Variants in DYSF observed in about 807,000 individuals in gnomAD.
DYSF encodes dysferlin.
DYSF carries 212 observed loss-of-function variants against 274.9 expected under a neutral mutation model. That is an observed-to-expected ratio of 0.77 (90% CI 0.69 to 0.86). The LOEUF is 0.86. DYSF is among the 40% of genes least tolerant of loss of function. DYSF has a pLI of 0.00. For missense variants in DYSF, 2,666 were observed against 2,783.2 expected (o/e 0.96, Z 0.95); for synonymous variants, 1,091 against 1,078.7 (o/e 1.01, Z -0.22).
rs143163327 is a variant in DYSF, at chr2:71,658,953, G to A, written c.4831G>A (p.Ala1611Thr). The A allele has an allele frequency of 7.9e-5, 127 of 1,614,036 alleles. No homozygotes were observed. The highest frequency in any genetic ancestry group is 1.6e-4 in the Middle Eastern group (1 of 6,062). ...MPPRQFHQLA[A>T]QGPQECLVRI... ...CCCAAGACAGTTCCACCAGCTGGCC[G>A]CCCAGGGACCCCAGGAGTGCTTGGT... The change falls in exon 44 of 56, where the codon GCC (alanine) becomes ACC (threonine). Residue 1611 changes from alanine (A) to threonine (T), a missense_variant. Physicochemically the swap from Ala to Thr is moderately conservative, Grantham distance 58. Around this residue, in one of 3 missense-constraint regions of DYSF, gnomAD observed 1,460 missense variants for 1,502.1 expected, o/e 0.97. Transcript: ENST00000410020.
rs563119678 is a variant in DYSF at position 71,647,036 on chromosome 2, G to A, written c.4626+2973G>A. On this transcript the variant is annotated intron_variant, in intron 42 of 55. Transcript: ENST00000410020. Reference sequence around the variant, plus strand: ...AAATATTTATGCATAGAATAGTAAAGCTTAGAAATACTTAAAGCAAAAATG... The same window carrying A: ...AAATATTTATGCATAGAATAGTAAAACTTAGAAATACTTAAAGCAAAAATG... Among the ~76,000 whole-genome samples the A allele has an allele frequency of 3.3e-5, 5 of 152,214 alleles. No individual in the cohort carries two copies. The South Asian group carries it at 8.3e-4, about 25-fold the overall frequency.
chr2:71,506,401 G>C (rs10181951), intron 4 of DYSF, among the ~76,000 whole-genome samples: 114,439 of 152,096 alleles, frequency 0.75, 44,017 homozygotes, highest in Middle Eastern at 0.82. Context: ...GAGGGCGACC[G>C]AGGTTACCCT....
chr2:71,675,682 G>GAGGAATTAGAAAATGCAGGTA (rs1247833562), intron 52 of DYSF, among the ~76,000 whole-genome samples: 2 of 152,098 alleles, frequency 1.3e-5, no homozygotes, highest in Non-Finnish European at 2.9e-5. Context: ...AATTCCTGTA[G>GAGGAATTAGAAAATGCAGGTA]AGGAATTAGA....
chr2:71,648,312 A>C (rs2094599267), intron 42 of DYSF, among the ~76,000 whole-genome samples: 1 of 152,212 alleles, frequency 6.6e-6, no homozygotes, highest in African/African-American at 2.4e-5. Flanking sequence ...GGCAGGACTC[A>C]GGAAAGAAAG....
intron 3 of DYSF, among the ~76,000 whole-genome samples, chr2:71,488,642 C>G (rs2083552924): frequency 6.6e-6 from 1 of 152,150 alleles, no homozygotes; most frequent in Admixed American, 6.5e-5. Context: ...GTCACTCTAC[C>G]CTCCAGCCTG....
chr2:71,536,393 G>A (rs924998025), intron 16 of DYSF, among the ~76,000 whole-genome samples: 2 of 152,252 alleles, frequency 1.3e-5, no homozygotes, highest in Admixed American at 1.3e-4. Flanking sequence ...GCCGCCAGGA[G>A]GGCCTGTGAG....
intron 1 of DYSF, among the ~76,000 whole-genome samples, chr2:71,454,439 T>A (rs892911294): frequency 4.6e-5 from 7 of 152,186 alleles, no homozygotes; most frequent in African/African-American, 1.7e-4. Flanking sequence ...AGGGCTCTCC[T>A]CCTTCTCCCC....
rs759841019 is a variant in DYSF, at chr2:71,553,169, C to T, written c.1965C>T (p.Tyr655=). 62 of 1,614,014 alleles carry T rather than the reference C, an allele frequency of 3.8e-5. No homozygotes were observed. Among genetic ancestry groups the T allele is most frequent in the Non-Finnish European group, 4.9e-5 (58 of 1,180,040 alleles). ...TGCCGCTGGCCTCCACCACTCAGTA[C>T]AGCCGTGCAGTCTTTGACGGTGAGG... ...TCLPLASTTQ[Y]SRAVFDGCHY... The change falls in exon 20 of 56, where the codon TAC becomes TAT. Residue 655 remains tyrosine, a synonymous_variant. Coordinates refer to ENST00000410020, the MANE Select transcript of DYSF (RefSeq NM_001130987.2).
intron 12 of DYSF, among the ~76,000 whole-genome samples, chr2:71,523,297 C>T (rs1289793240): frequency 6.6e-6 from 1 of 152,182 alleles, no homozygotes; most frequent in Non-Finnish European, 1.5e-5. Context: ...AGAAGTTGTA[C>T]ACATTTATGC....
chr2:71,621,623 G>A (rs202040482), intron 41 of DYSF, among the ~76,000 whole-genome samples: 1 of 128,346 alleles, frequency 7.8e-6, no homozygotes, highest in African/African-American at 2.7e-5. Flanking sequence ...TTGTATGTGT[G>A]TATATATAAT....
At chr2:71,453,730 G>A (rs1192090119) in exon 1 of DYSF, 1 of 535,472 alleles carries the variant, frequency 1.9e-6, no homozygotes, top group Non-Finnish European at 3.4e-6. Context: ...GGGGGTGGAA[G>A]ATGAGCAGAA....
chr2:71,477,785 TAAG>T (rs1439446199), intron 1 of DYSF, among the ~76,000 whole-genome samples: 2 of 152,230 alleles, frequency 1.3e-5, no homozygotes, highest in African/African-American at 2.4e-5. Flanking sequence ...AACTTACTGT[TAAG>T]AAGTTAAGAA....
chr2:71,541,745 A>G (rs2089947840), intron 17 of DYSF, among the ~76,000 whole-genome samples: 1 of 151,522 alleles, frequency 6.6e-6, no homozygotes, highest in Non-Finnish European at 1.5e-5. Flanking sequence ...TAACTCTATT[A>G]ATTTTTTTTT....
chr2:71,570,033 C>G, intron 27 of DYSF, 99 bp downstream of exon 27: 1 of 1,219,646 alleles, frequency 8.2e-7, no homozygotes, highest in Admixed American at 1.9e-5. Context: ...TTTGCCCCCT[C>G]TTACCTCCGG....
intron 1 of DYSF, among the ~76,000 whole-genome samples, chr2:71,477,893 C>T (rs1049844974): frequency 6.6e-5 from 10 of 152,282 alleles, no homozygotes; most frequent in East Asian, 1.9e-4. Context: ...AACTACATAT[C>T]TGGTTGGATT....
intron 14 of DYSF, among the ~76,000 whole-genome samples, chr2:71,534,358 A>G (rs1475838539): frequency 1.3e-5 from 2 of 152,258 alleles, no homozygotes; most frequent in Admixed American, 6.5e-5. Flanking sequence ...GGGCTGGCTA[A>G]GGGGCCTGGT....
chr2:71,497,419 G>A (rs1306910043), intron 3 of DYSF, among the ~76,000 whole-genome samples: 1 of 152,144 alleles, frequency 6.6e-6, no homozygotes, highest in Non-Finnish European at 1.5e-5. Flanking sequence ...TCTTCACCCG[G>A]TTCTCGTGAT....
chr2:71,663,326 G>A (rs993880155), intron 45 of DYSF, among the ~76,000 whole-genome samples: 31 of 152,198 alleles, frequency 2.0e-4, no homozygotes, highest in Non-Finnish European at 3.7e-4. Context: ...CAGATGCTGC[G>A]TCCCTTTAGC....
chr2:71,573,184 G>A (rs1403482673), intron 29 of DYSF, among the ~76,000 whole-genome samples: 1 of 152,242 alleles, frequency 6.6e-6, no homozygotes, highest in African/African-American at 2.4e-5. Context: ...AACCTAGAGA[G>A]GACTCTTGCT....
Sources: allele counts gnomAD v4.1 joint callset (sites outside exome capture counted in the v4.1 genomes callset), GRCh38; gene constraint gnomAD v4.1.1; regional missense constraint gnomAD v4.1.1; transcripts MANE v1.5; gene names NCBI Gene and HGNC (gene_info 2026-07-23, HGNC 2026-07-21).